Variants in SEPTIN7 observed in about 807,000 individuals in gnomAD.
The protein encoded by SEPTIN7 is septin-7.
In SEPTIN7, 10 loss-of-function variants were observed where a neutral mutation model predicts 63.3. The observed-to-expected ratio is 0.16, with a 90% CI of 0.10 to 0.27. The LOEUF is 0.27. SEPTIN7 is among the 10% of genes least tolerant of loss of function. The pLI, the probability that SEPTIN7 is intolerant of heterozygous loss-of-function variation, is 1.00. For synonymous variants in SEPTIN7, 131 were observed against 165.3 expected, an observed-to-expected ratio of 0.79 and a Z score of 1.59; for missense variants, 310 against 521.0, an observed-to-expected ratio of 0.59 and a Z score of 3.94.
intron 7 of SEPTIN7, among the ~76,000 whole-genome samples, chr7:35,880,150 G>A (rs571419123): frequency 1.1e-3 from 164 of 147,154 alleles, no homozygotes; most frequent in African/African-American, 4.0e-3. Context: ...CCCCCACACA[G>A]ACAATTTCTC....
chr7:35,907,680 T>A (rs1248631877), downstream of SEPTIN7, among the ~76,000 whole-genome samples: 1 of 152,182 alleles, frequency 6.6e-6, no homozygotes, highest in Non-Finnish European at 1.5e-5. Context: ...AGCATGATCT[T>A]CTACAGAGTT....
chr7:35,898,439 ATCT>A lies in SEPTIN7; in HGVS notation c.1134+59_1134+61del, dbSNP rs772331448. Reference sequence around the variant, plus strand: ...GACATTGTGTTCCTTTTTAAGTAGTATCTTCAGTAAAATTTATAGATAATATAA... The same window carrying A: ...GACATTGTGTTCCTTTTTAAGTAGTATCAGTAAAATTTATAGATAATATAA... On this transcript the variant is annotated intron_variant, in intron 12 of 13. Coordinates refer to ENST00000350320, the MANE Select transcript of SEPTIN7 (RefSeq NM_001788.6). 2.6e-6 allele frequency: 3 copies of A among 1,136,212 alleles called. No individual in the cohort carries two copies. The South Asian group carries it at 5.0e-5, about 19-fold the overall frequency. The allele number at this position is 1,136,212 out of a possible 1,614,324, so 70.4% of individuals were successfully genotyped here. A position where few individuals can be genotyped will look rare whatever the true frequency, so the allele number is the denominator to read the frequency against.
intron 1 of SEPTIN7, among the ~76,000 whole-genome samples, chr7:35,823,530 C>A (rs1215614447): frequency 6.6e-6 from 1 of 152,092 alleles, no homozygotes; most frequent in Non-Finnish European, 1.5e-5. Flanking sequence ...TCTTTACTTC[C>A]TGCCTTCCAT....
chr7:35,874,378 G>A (rs1786342112), intron 6 of SEPTIN7, among the ~76,000 whole-genome samples: 1 of 152,012 alleles, frequency 6.6e-6, no homozygotes, highest in Non-Finnish European at 1.5e-5. Flanking sequence ...GTTATAGTTA[G>A]CCTGTACTCC....
intron 3 of SEPTIN7, among the ~76,000 whole-genome samples, chr7:35,861,695 G>A (rs1427372343): frequency 1.3e-5 from 2 of 152,240 alleles, no homozygotes; most frequent in East Asian, 3.9e-4. Context: ...TTCATAAATG[G>A]TGCCCATTGC....
intron 1 of SEPTIN7, among the ~76,000 whole-genome samples, chr7:35,809,716 GAGGT>G (rs1212689186): frequency 1.3e-5 from 2 of 152,212 alleles, no homozygotes; most frequent in Non-Finnish European, 2.9e-5. Context: ...ATCAGGTTAT[GAGGT>G]TAGAAGAGGT....
In SEPTIN7 at chr7:35,872,650, C is replaced by T. The variant is rs773530900; in HGVS notation, c.277-16C>T. 1.0e-4 allele frequency: 163 copies of T among 1,577,974 alleles called. No individual in the cohort carries two copies. The highest frequency in any genetic ancestry group is 1.4e-4 in the Non-Finnish European group (161 of 1,147,776). ...GTAATGTATGATATTAACATCTGCA[C>T]CAATTACTCTTACAGGTGGAACAAT... On this transcript the variant is annotated splice_polypyrimidine_tract_variant and intron_variant, in intron 4 of 13. Coordinates refer to ENST00000350320, the MANE Select transcript of SEPTIN7 (RefSeq NM_001788.6).
At chr7:35,914,643 CTCTCT>C in the SEPTIN7 span, among the ~76,000 whole-genome samples, 26 of 7,832 alleles carry the variant, frequency 3.3e-3, no homozygotes, top group Admixed American at 0.011. Context: ...CTGTCCCTCT[CTCTCT>C]CTCTCTCTCT....
intron 9 of SEPTIN7, among the ~76,000 whole-genome samples, chr7:35,885,163 AT>A (rs1387479528): frequency 1.3e-5 from 2 of 152,060 alleles, no homozygotes; most frequent in African/African-American, 2.4e-5. Flanking sequence ...ATTTTGAACA[AT>A]TCTTTAATTT....
chr7:35,825,588 A>G (rs1783470931), intron 1 of SEPTIN7, among the ~76,000 whole-genome samples: 1 of 152,112 alleles, frequency 6.6e-6, no homozygotes, highest in African/African-American at 2.4e-5. Context: ...GGCATTTATC[A>G]CTGAATTATT....
At chr7:35,814,540 T>C (rs766191564) in intron 1 of SEPTIN7, among the ~76,000 whole-genome samples, 2 of 152,194 alleles carry the variant, frequency 1.3e-5, no homozygotes, top group African/African-American at 4.8e-5. Flanking sequence ...AAATACACTA[T>C]TTCTCATTAC....
chr7:35,859,349 A>G (rs1393619795), intron 3 of SEPTIN7, among the ~76,000 whole-genome samples: 3 of 152,098 alleles, frequency 2.0e-5, no homozygotes, highest in Admixed American at 2.0e-4. Flanking sequence ...TTGTTTTATT[A>G]TAATGGGAAA....
At chr7:35,868,242 A>G (rs1785937945) in intron 4 of SEPTIN7, among the ~76,000 whole-genome samples, 1 of 152,148 alleles carries the variant, frequency 6.6e-6, no homozygotes, top group Non-Finnish European at 1.5e-5. Flanking sequence ...GAAAAGGTGA[A>G]AGCAGTATGT....
chr7:35,806,609 A>C (rs1167101785), intron 1 of SEPTIN7, among the ~76,000 whole-genome samples: 5 of 152,370 alleles, frequency 3.3e-5, no homozygotes, highest in Non-Finnish European at 7.3e-5. Context: ...ATGTGCATAC[A>C]CACATCTTGT....
intron 4 of SEPTIN7, among the ~76,000 whole-genome samples, chr7:35,871,315 A>G (rs1390599288): frequency 1.3e-5 from 2 of 152,198 alleles, no homozygotes; most frequent in South Asian, 2.1e-4. Flanking sequence ...AATTTTTTTA[A>G]CAGAAAACTC....
chr7:35,885,369 C>T (rs1787164670), intron 9 of SEPTIN7, among the ~76,000 whole-genome samples: 1 of 152,044 alleles, frequency 6.6e-6, no homozygotes, highest in Admixed American at 6.6e-5. Context: ...CCTCTACTCC[C>T]AAGTAATATT....
At chr7:35,851,981 A>AT (rs1361791372) in intron 3 of SEPTIN7, among the ~76,000 whole-genome samples, 1 of 152,118 alleles carries the variant, frequency 6.6e-6, no homozygotes, top group Non-Finnish European at 1.5e-5. Flanking sequence ...ACCCCCCTGC[A>AT]TCCCTGTTTC....
chr7:35,892,508 T>TA, intron 11 of SEPTIN7, among the ~76,000 whole-genome samples: 1 of 152,148 alleles, frequency 6.6e-6, no homozygotes, highest in Non-Finnish European at 1.5e-5. Flanking sequence ...TTTTGTATGT[T>TA]AAAGTACTAG....
rs533257337 is a variant in SEPTIN7 at position 35,848,356 on chromosome 7, C to T, written c.170-15196C>T. On this transcript the variant is annotated intron_variant, in intron 3 of 13. Transcript: ENST00000350320. The stretch of plus-strand genomic sequence containing the variant: ...GATCTCGGCTCACTGCAAGCTCCGC[C>T]TCCCGGGTTCACGCCATTCTCCTGC... Among the ~76,000 whole-genome samples the T allele has an allele frequency of 2.7e-3, 403 of 151,000 alleles. 2 individuals carry two copies. Among genetic ancestry groups the T allele is most frequent in the African/African-American group, 9.4e-3 (387 of 41,022 alleles).
Sources: allele counts gnomAD v4.1 joint callset (sites outside exome capture counted in the v4.1 genomes callset), GRCh38; gene constraint gnomAD v4.1.1; transcripts MANE v1.5; gene names NCBI Gene and HGNC (gene_info 2026-07-23, HGNC 2026-07-21).